The following TAF5L variants were observed in gnomAD, a reference collection of about 807,000 sequenced individuals.
TAF5L encodes the protein TAF5-like RNA polymerase II p300/CBP-associated factor-associated factor 65 kDa subunit 5L.
A neutral mutation model predicts 51.3 loss-of-function variants in TAF5L; 7 were observed. That is an observed-to-expected ratio of 0.14 (90% confidence interval 0.08 to 0.26). The LOEUF is 0.26. TAF5L is among the 10% of genes least tolerant of loss of function. The pLI is 1.00. For synonymous variants in TAF5L, 291 were observed against 308.1 expected (o/e 0.94, Z 0.58); for missense variants, 575 against 758.9 (o/e 0.76, Z 2.85).
chr1:229,595,028 T>C lies in TAF5L; in HGVS notation c.1039A>G (p.Ser347Gly), dbSNP rs200240939. The change falls in exon 5 of 5, where the codon AGC becomes GGC. Residue 347 changes from serine (S) to glycine (G), a missense_variant. Ser to Gly is a moderately conservative substitution (Grantham distance 56). Coordinates refer to ENST00000258281, the Ensembl canonical transcript of TAF5L. Reference sequence around the variant, plus strand: ...GAGCTGTCCGCGAGGAACCTCGTGCTGTACACTGGTCCGCAGTGGCCCCGC... The same window carrying C: ...GAGCTGTCCGCGAGGAACCTCGTGCCGTACACTGGTCCGCAGTGGCCCCGC... 5.2e-5 allele frequency: 84 copies of C among 1,614,132 alleles called. No individual in the cohort carries two copies. The highest frequency in any genetic ancestry group is 4.9e-4 in the Middle Eastern group (3 of 6,062).
At chr1:229,620,956 A>ATG (rs60562331) in intron 1 of TAF5L, among the ~76,000 whole-genome samples, 22,815 of 149,910 alleles carry the variant, frequency 0.15, 2,678 homozygotes, top group East Asian at 0.43. Flanking sequence ...TAAAACATTT[A>ATG]TGTGTGTGTG....
At chr1:229,612,043 C>G (rs1459006205) in intron 2 of TAF5L, among the ~76,000 whole-genome samples, 1 of 152,236 alleles carries the variant, frequency 6.6e-6, no homozygotes, top group Non-Finnish European at 1.5e-5. Flanking sequence ...ACCTGCCTCA[C>G]TTCCCAATTA....
rs1437824539 is a variant in TAF5L, at chr1:229,605,076, C to T, written c.248-2157G>A. 6.6e-5 allele frequency among the ~76,000 whole-genome samples: 10 copies of T among 150,812 alleles called. No individual in the cohort carries two copies. The East Asian group carries it at 7.8e-4, about 12-fold the overall frequency. On this transcript the variant is annotated intron_variant, in intron 3 of 4. Coordinates refer to ENST00000258281, the Ensembl canonical transcript of TAF5L. ...CCTCAGCCTATTGAGTAGCTACAGG[C>T]GTGTGACACCACGCTCAGCTAATTT...
chr1:229,599,892 A>C (rs1220754234), intron 4 of TAF5L: 1 of 985,370 alleles, frequency 1.0e-6, no homozygotes, highest in Non-Finnish European at 1.2e-6. Flanking sequence ...AAAAGATGAA[A>C]GCAGAGAGTG....
At chr1:229,599,240 A>G in intron 4 of TAF5L, 1 of 927,538 alleles carries the variant, frequency 1.1e-6, no homozygotes, top group Non-Finnish European at 1.3e-6. Flanking sequence ...AGAAAATTTT[A>G]AGCTTACATA....
intron 1 of TAF5L, among the ~76,000 whole-genome samples, chr1:229,616,797 T>C (rs1227824875): frequency 6.6e-6 from 1 of 152,150 alleles, no homozygotes; most frequent in Non-Finnish European, 1.5e-5. Context: ...AAATATAAAA[T>C]GTTAGGACAT....
Position 229,602,799 on chromosome 1 carries a change from A to T in TAF5L, c.368T>A (p.Phe123Tyr), listed in dbSNP as rs1443578922. 6.2e-7 allele frequency: 1 copy of T among 1,613,952 alleles called. No homozygotes were observed. Among genetic ancestry groups the T allele is most frequent in the Non-Finnish European group, 8.5e-7 (1 of 1,180,044 alleles). ...AGCATTCTGCAGAAACATTCCATGG[A>T]AGCGGCTGTAAAAACTTTCCACTGT... is the stretch of plus-strand genomic sequence containing the variant. The change falls in exon 4 of 5, where the codon TTC becomes TAC. Residue 123 changes from phenylalanine to tyrosine, a missense_variant. By Grantham distance (22) the Phe-to-Tyr change is conservative. Around this residue, in one of 3 missense-constraint regions of TAF5L, gnomAD observed 380 missense variants for 443.7 expected, o/e 0.86. Coordinates refer to ENST00000258281, the Ensembl canonical transcript of TAF5L. The surrounding 1 kb of genome is among the most constrained non-coding windows in gnomAD (Gnocchi z 4.6).
chr1:229,618,169 T>C (rs1665075165), intron 1 of TAF5L, among the ~76,000 whole-genome samples: 1 of 152,242 alleles, frequency 6.6e-6, no homozygotes, highest in African/African-American at 2.4e-5. Flanking sequence ...CCTAAGTCTC[T>C]GGAGAGACTC....
chr1:229,624,876 C>A lies in TAF5L; in HGVS notation c.-4+1009G>T, dbSNP rs530934082. The stretch of plus-strand genomic sequence containing the variant: ...ACAGCCTCCGTGTCCTCCCCTACAT[C>A]CCCAACTCAGGTGTTGGCACACTTG... On this transcript the variant is annotated intron_variant, in intron 1 of 4. Transcript: ENST00000258281. Among the ~76,000 whole-genome samples the A allele has an allele frequency of 4.6e-5, 7 of 152,324 alleles. No homozygotes were observed. In the South Asian group the frequency reaches 1.5e-3, roughly 32 times the overall value.
intron 3 of TAF5L, chr1:229,606,098 AT>A (rs1316620198): frequency 5.1e-6 from 5 of 976,240 alleles, no homozygotes; most frequent in Non-Finnish European, 6.1e-6. Context: ...AGAAATAGTG[AT>A]GTACTACTTT....
In TAF5L at chr1:229,594,416, A is replaced by G; in HGVS notation, c.1651T>C (p.Ser551Pro). 6.2e-7 allele frequency: 1 copy of G among 1,614,136 alleles called. No homozygotes were observed. Residue 551 changes from serine (S) to proline (P), a missense_variant, in exon 5 of 5, where the codon TCC becomes CCC. Around this residue, in one of 3 missense-constraint regions of TAF5L, gnomAD observed 91 missense variants for 96.9 expected, o/e 0.94. Coordinates refer to ENST00000258281, the Ensembl canonical transcript of TAF5L. The surrounding 1 kb of genome is among the most constrained non-coding windows in gnomAD (Gnocchi z 7.9). ...TACACGCCCACGAGCTCGCTGGAGG[A>G]GCCGTCGGCAGGTGCACTGCAGTAA...
intron 3 of TAF5L, among the ~76,000 whole-genome samples, chr1:229,609,551 G>C (rs894615667): frequency 3.9e-5 from 6 of 151,990 alleles, no homozygotes; most frequent in African/African-American, 1.2e-4. Flanking sequence ...TATCTCAAGT[G>C]GTCATTCTGC....
At position 229,603,411 on chromosome 1, in the gene TAF5L, T is replaced by A. The variant is rs567504188; in HGVS notation, c.248-492A>T. ...ATTATCTGGATGTCCGCTTAACAAG[T>A]AAGTACTGACAAGTGATTTTAGTGC... is the stretch of plus-strand genomic sequence containing the variant. On this transcript the variant is annotated intron_variant, in intron 3 of 4. Transcript: ENST00000258281. 6.4e-4 allele frequency among the ~76,000 whole-genome samples: 97 copies of A among 152,312 alleles called. 3 individuals carry two copies. In the South Asian group the frequency reaches 0.019, roughly 30 times the overall value.
At chr1:229,621,080 G>A (rs576046465) in intron 1 of TAF5L, among the ~76,000 whole-genome samples, 1 of 152,266 alleles carries the variant, frequency 6.6e-6, no homozygotes, top group Admixed American at 6.5e-5. Context: ...AGTCTGCACT[G>A]TTCACAACAG....
chr1:229,624,894 C>T (rs1009054684), intron 1 of TAF5L, among the ~76,000 whole-genome samples: 4 of 152,202 alleles, frequency 2.6e-5, no homozygotes, highest in African/African-American at 9.7e-5. Context: ...CAGGTGTTGG[C>T]ACACTTGAAT....
chr1:229,608,744 C>T (rs879333631), intron 3 of TAF5L, among the ~76,000 whole-genome samples: 2 of 152,158 alleles, frequency 1.3e-5, no homozygotes, highest in Non-Finnish European at 2.9e-5. Context: ...CTTGTGCCTA[C>T]AATCTCAGCA....
chr1:229,622,018 C>CATCCATCT (rs1553272206), intron 1 of TAF5L, among the ~76,000 whole-genome samples: 1 of 148,940 alleles, frequency 6.7e-6, no homozygotes, highest in African/African-American at 2.5e-5. Context: ...CATTCATCAT[C>CATCCATCT]ATCTATCTAT....
chr1:229,618,840 T>C (rs763534023), intron 1 of TAF5L, among the ~76,000 whole-genome samples: 3 of 151,900 alleles, frequency 2.0e-5, no homozygotes, highest in Non-Finnish European at 2.9e-5. Context: ...GTTAAAGTAC[T>C]ACACAGTTCC....
chr1:229,596,551 A>G (rs1298154704), intron 4 of TAF5L, among the ~76,000 whole-genome samples: 3 of 152,208 alleles, frequency 2.0e-5, no homozygotes, highest in African/African-American at 4.8e-5. Flanking sequence ...CTTGAAGCAA[A>G]GCCAAGCGAT....
Sources: allele counts gnomAD v4.1 joint callset (sites outside exome capture counted in the v4.1 genomes callset), GRCh38; gene constraint gnomAD v4.1.1; regional missense constraint gnomAD v4.1.1; non-coding constraint Gnocchi (gnomAD v3.1); transcripts MANE v1.5; gene names NCBI Gene and HGNC (gene_info 2026-07-23, HGNC 2026-07-21).